The following CAMK1D variants were observed in gnomAD, a reference collection of about 807,000 sequenced individuals.
CAMK1D encodes the protein calcium/calmodulin-dependent protein kinase type 1D.
A neutral mutation model predicts 47.7 loss-of-function variants in CAMK1D; 9 were observed. The observed-to-expected ratio is 0.19, with a 90% CI of 0.11 to 0.33. The LOEUF is 0.33. Ranked by LOEUF, CAMK1D falls within the 10% of genes least tolerant of loss-of-function variation. The pLI is 1.00. For missense variants in CAMK1D, 291 were observed against 488.7 expected (o/e 0.60, Z 3.81); for synonymous variants, 184 against 184.9 (o/e 0.99, Z 0.04).
intron 1 of CAMK1D, among the ~76,000 whole-genome samples, chr10:12,465,308 T>G (rs1833558445): frequency 6.6e-6 from 1 of 152,248 alleles, no homozygotes; most frequent in African/African-American, 2.4e-5. Flanking sequence ...TCAAAAATTC[T>G]ACTTTGGTTG....
intron 1 of CAMK1D, among the ~76,000 whole-genome samples, chr10:12,468,992 C>T (rs778677318): frequency 1.3e-5 from 2 of 152,132 alleles, no homozygotes; most frequent in East Asian, 1.9e-4. Context: ...GTCTACATAG[C>T]GTCCTGCCCG....
intron 2 of CAMK1D, among the ~76,000 whole-genome samples, chr10:12,657,879 G>A (rs1051190956): frequency 3.3e-5 from 5 of 152,044 alleles, no homozygotes; most frequent in East Asian, 1.9e-4. Context: ...GGCCAGGTGC[G>A]GTGGCTCACA....
chr10:12,480,813 T>C (rs1834041711), intron 1 of CAMK1D, among the ~76,000 whole-genome samples: 2 of 152,184 alleles, frequency 1.3e-5, no homozygotes, highest in South Asian at 4.1e-4. Flanking sequence ...TAAGTGCACA[T>C]TGGATGGCCA....
intron 2 of CAMK1D, among the ~76,000 whole-genome samples, chr10:12,558,194 G>T (rs1836825159): frequency 6.6e-6 from 1 of 152,166 alleles, no homozygotes; most frequent in Non-Finnish European, 1.5e-5. Context: ...ATTCTCTTTG[G>T]GTTGGATTAC....
chr10:12,461,035 A>C (rs1411473459), intron 1 of CAMK1D, among the ~76,000 whole-genome samples: 1 of 152,084 alleles, frequency 6.6e-6, no homozygotes, highest in African/African-American at 2.4e-5. Context: ...AAGGACCTCC[A>C]CTCTGCCTCC....
In CAMK1D at chr10:12,769,616, A is replaced by C. The variant is rs552144511; in HGVS notation, c.439-57A>C. 14 of 1,592,580 alleles carry C rather than the reference A, an allele frequency of 8.8e-6. No homozygotes were observed. The South Asian group carries it at 1.5e-4, about 17-fold the overall frequency. On this transcript the variant is annotated intron_variant, in intron 4 of 10. Coordinates refer to ENST00000619168, the MANE Select transcript of CAMK1D (RefSeq NM_153498.4). Reference sequence around the variant, plus strand: ...GGTTTTGCAGCTGAATGAGTCTTCCACAATTAACCCAGCTTTACACGTAGT... The same window carrying C: ...GGTTTTGCAGCTGAATGAGTCTTCCCCAATTAACCCAGCTTTACACGTAGT...
At chr10:12,790,584 C>T (rs1157131811) in intron 5 of CAMK1D, among the ~76,000 whole-genome samples, 7 of 150,298 alleles carry the variant, frequency 4.7e-5, no homozygotes, top group Admixed American at 6.7e-5. Context: ...AGAGTTCCAT[C>T]AGTAATCTCA....
At chr10:12,650,293 C>T (rs140964876) in intron 2 of CAMK1D, among the ~76,000 whole-genome samples, 3 of 152,222 alleles carry the variant, frequency 2.0e-5, no homozygotes, top group South Asian at 2.1e-4. Context: ...GGGAGCAGCC[C>T]GACCAGCGTG....
chr10:12,591,868 T>C (rs890832999), intron 2 of CAMK1D, among the ~76,000 whole-genome samples: 6 of 152,208 alleles, frequency 3.9e-5, no homozygotes, highest in African/African-American at 1.2e-4. Flanking sequence ...TAATTTTTTG[T>C]ATTTTTAGTA....
intron 1 of CAMK1D, among the ~76,000 whole-genome samples, chr10:12,500,415 G>A (rs535135677): frequency 6.6e-6 from 1 of 152,320 alleles, no homozygotes; most frequent in East Asian, 1.9e-4. Context: ...AGAGGTCAGT[G>A]AGACATAGCA....
At chr10:12,740,531 G>A (rs1004922731) in intron 3 of CAMK1D, among the ~76,000 whole-genome samples, 6 of 152,190 alleles carry the variant, frequency 3.9e-5, no homozygotes, top group Non-Finnish European at 8.8e-5. Flanking sequence ...CTGGGAGGTG[G>A]AGATTACAGT....
intron 2 of CAMK1D, among the ~76,000 whole-genome samples, chr10:12,610,039 C>T (rs185860475): frequency 3.3e-5 from 5 of 152,232 alleles, no homozygotes; most frequent in Non-Finnish European, 5.9e-5. Flanking sequence ...CGTTTAACAA[C>T]GGGCTCTTGG....
chr10:12,666,414 C>T (rs539235443), intron 2 of CAMK1D, among the ~76,000 whole-genome samples: 2 of 152,286 alleles, frequency 1.3e-5, no homozygotes, highest in South Asian at 2.1e-4. Flanking sequence ...TAATTCTGCC[C>T]AGTGGCTCAG....
chr10:12,752,964 G>T (rs902600955), intron 3 of CAMK1D, among the ~76,000 whole-genome samples: 1 of 152,174 alleles, frequency 6.6e-6, no homozygotes. Flanking sequence ...AAAAACAATT[G>T]GCCGGGCATG....
chr10:12,670,886 CA>C lies in CAMK1D; in HGVS notation c.299+4077del, dbSNP rs544573989. ...TGTTATAGTCACAAGGTTATGCATC[CA>C]TCACTACAACCTAATTTTAGGACAT... On this transcript the variant is annotated intron_variant, in intron 3 of 10. Coordinates refer to ENST00000619168, the MANE Select transcript of CAMK1D (RefSeq NM_153498.4). 4.2e-4 allele frequency among the ~76,000 whole-genome samples: 64 copies of C among 152,244 alleles called. 1 individual carries two copies. The South Asian group carries it at 8.7e-3, about 21-fold the overall frequency.
At chr10:12,558,636 C>T (rs147046761) in intron 2 of CAMK1D, among the ~76,000 whole-genome samples, 110 of 151,960 alleles carry the variant, frequency 7.2e-4, no homozygotes, top group African/African-American at 2.6e-3. Flanking sequence ...CAACAGTCTA[C>T]ATTTAAATGA....
intron 2 of CAMK1D, among the ~76,000 whole-genome samples, chr10:12,622,322 A>G (rs983396846): frequency 3.9e-5 from 6 of 152,220 alleles, no homozygotes; most frequent in Admixed American, 6.5e-5. Context: ...TCACTGGGCT[A>G]GAGAGAAAGT....
chr10:12,571,766 C>T (rs1050262034), intron 2 of CAMK1D, among the ~76,000 whole-genome samples: 10 of 152,066 alleles, frequency 6.6e-5, no homozygotes, highest in African/African-American at 2.4e-4. Context: ...TACCTGAGCT[C>T]CAAATGGGTT....
chr10:12,461,687 C>CAAAAAA (rs57291391), intron 1 of CAMK1D, among the ~76,000 whole-genome samples: 1 of 90,376 alleles, frequency 1.1e-5, no homozygotes, highest in East Asian at 3.1e-4. Flanking sequence ...GGCTTCATCT[C>CAAAAAA]AAAAAAAAAA....
Sources: gnomAD v4.1 joint callset for allele counts (sites outside exome capture counted in the v4.1 genomes callset) on GRCh38, gnomAD v4.1.1 for gene constraint, MANE v1.5 for transcripts, NCBI Gene and HGNC (gene_info 2026-07-23, HGNC 2026-07-21) for gene names.